Variants in SLFN12L observed in about 807,000 individuals in gnomAD.
The protein encoded by SLFN12L is schlafen family member 12-like.
Under a neutral mutation model 34.8 loss-of-function variants are expected in SLFN12L, and 34 were observed. The observed-to-expected ratio is 0.98, with a 90% confidence interval of 0.74 to 1.30. The LOEUF is 1.30. Among genes scored for constraint, SLFN12L ranks in the 50% most tolerant of loss-of-function variants. SLFN12L has a pLI of 0.00. For synonymous variants in SLFN12L, 259 were observed against 247.5 expected (o/e 1.05, Z -0.44); for missense variants, 703 against 696.2 (o/e 1.01, Z -0.11).
Position 35,478,135 on chromosome 17 carries a change from T to A in SLFN12L, c.1216A>T (p.Ser406Cys). The A allele has an allele frequency of 1.3e-6, 2 of 1,545,698 alleles. No individual in the cohort carries two copies. Among genetic ancestry groups the A allele is most frequent in the South Asian group, 2.4e-5 (2 of 83,742 alleles). ...PASTSSPVSQSYPLREYINFK... is the reference protein window; with the variant it reads ...PASTSSPVSQCYPLREYINFK... ...TTAATATATTCACGAAGAGGATAAC[T>A]CTGGGAGACAGGTGATGATGTACTT... is the stretch of plus-strand genomic sequence containing the variant. The change falls in exon 4 of 5, where the codon AGT becomes TGT. Residue 406 changes from serine (S) to cysteine (C), a missense_variant. By Grantham distance (112) the Ser-to-Cys change is moderately radical. Coordinates refer to ENST00000628453, the MANE Select transcript of SLFN12L (RefSeq NM_001363830.2).
Position 35,501,159 on chromosome 17 carries a change from T to C in SLFN12L, c.87-20964A>G, listed in dbSNP as rs556188033. Among the ~76,000 whole-genome samples the C allele has an allele frequency of 3.9e-5, 6 of 152,326 alleles. No homozygotes were observed. The East Asian group carries it at 1.2e-3, about 29-fold the overall frequency. On this transcript the variant is annotated intron_variant, in intron 2 of 4. Coordinates refer to ENST00000628453, the MANE Select transcript of SLFN12L (RefSeq NM_001363830.2). ...CAGCTTAGGCCTGCTCTGTGGAGCA[T>C]CCCTGCAGGGGACTGCAGCCAGCTT...
intron 2 of SLFN12L, among the ~76,000 whole-genome samples, chr17:35,492,997 A>G (rs1349101980): frequency 1.3e-5 from 2 of 151,746 alleles, no homozygotes; most frequent in Non-Finnish European, 2.9e-5. Flanking sequence ...AAAAAACCAC[A>G]AGAGCCTCAG....
rs925215409 is a variant in SLFN12L, at chr17:35,490,794, A to C, written c.87-10599T>G. On this transcript the variant is annotated intron_variant, in intron 2 of 4. Coordinates refer to ENST00000628453, the MANE Select transcript of SLFN12L (RefSeq NM_001363830.2). ...TTGTGAAAGCCCCTCCAGAAATAAG[A>C]CTTGAGTGCCTGACTCAATAAGAGA... The C allele has an allele frequency of 3.4e-6, 5 of 1,455,338 alleles. No homozygotes were observed. The African/African-American group carries it at 7.0e-5, about 20-fold the overall frequency. 90.2% of individuals were successfully genotyped at this position (1,455,338 alleles called of 1,614,324 possible).
Position 35,522,417 on chromosome 17 carries a change from AATTCTC to A in SLFN12L, c.-59_-54del, listed in dbSNP as rs1234524983. 1 of 1,614,134 alleles carries A rather than the reference AATTCTC, an allele frequency of 6.2e-7. No individual in the cohort carries two copies. Among genetic ancestry groups the A allele is most frequent in the East Asian group, 2.2e-5 (1 of 44,872 alleles). On this transcript the variant is annotated 5_prime_UTR_variant, in exon 2 of 5. In the 5' UTR this introduces an upstream ATG that the reference lacks. Transcript: ENST00000628453. ...TAAGCCAGGTAAGCCATGGACAAAC[AATTCTC>A]TGTTCTTGTGGAAGCTTCTGGAGAA...
chr17:35,514,367 C>G (rs181205527), intron 2 of SLFN12L, among the ~76,000 whole-genome samples: 203 of 152,312 alleles, frequency 1.3e-3, no homozygotes, highest in Non-Finnish European at 2.5e-3. Context: ...AAGTCTCTAT[C>G]AAATTTTCTG....
chr17:35,501,114 G>T lies in SLFN12L; in HGVS notation c.87-20919C>A, dbSNP rs548491185. ...AGAAAGCGAGGTGATTAACAGACAT[G>T]GTCTAGGCAGCCCCTTAGGCAGCTT... On this transcript the variant is annotated intron_variant, in intron 2 of 4. Coordinates refer to ENST00000628453, the MANE Select transcript of SLFN12L (RefSeq NM_001363830.2). 1.2e-3 allele frequency among the ~76,000 whole-genome samples: 186 copies of T among 152,342 alleles called. 1 individual carries two copies. Among genetic ancestry groups the T allele is most frequent in the Non-Finnish European group, 2.1e-3 (146 of 68,030 alleles).
rs1051151223 is a variant in SLFN12L at position 35,471,351 on chromosome 17, G to T, written c.*3572C>A. On this transcript the variant is annotated 3_prime_UTR_variant, in exon 5 of 5. Coordinates refer to ENST00000628453, the MANE Select transcript of SLFN12L (RefSeq NM_001363830.2). ...GGGGTTTCACCATGTTGGCCAGGCT[G>T]GTCTCAAACTCCTGGCCTCAGGTGA... Among the ~76,000 whole-genome samples the T allele has an allele frequency of 6.6e-6, 1 of 152,086 alleles. No individual in the cohort carries two copies. Among genetic ancestry groups the T allele is most frequent in the African/African-American group, 2.4e-5 (1 of 41,396 alleles).
Position 35,467,535 on chromosome 17 carries a change from C to T in SLFN12L, c.*7388G>A, listed in dbSNP as rs1378096426. On this transcript the variant is annotated 3_prime_UTR_variant, in exon 5 of 5. Transcript: ENST00000628453. The stretch of plus-strand genomic sequence containing the variant: ...GGCATTCAATAAAACTTTCATGACC[C>T]TAATAGGTCCCAAATAGCCAGTTTA... 1.3e-5 allele frequency among the ~76,000 whole-genome samples: 2 copies of T among 152,202 alleles called. No individual in the cohort carries two copies. Among genetic ancestry groups the T allele is most frequent in the African/African-American group, 4.8e-5 (2 of 41,464 alleles).
intron 2 of SLFN12L, among the ~76,000 whole-genome samples, chr17:35,501,274 G>A (rs527447842): frequency 6.6e-6 from 1 of 152,324 alleles, no homozygotes; most frequent in South Asian, 2.1e-4. Flanking sequence ...CCCCAATGGA[G>A]GATCAATATG....
At chr17:35,483,576 T>C (rs1252844715) in intron 2 of SLFN12L, among the ~76,000 whole-genome samples, 4 of 152,226 alleles carry the variant, frequency 2.6e-5, no homozygotes, top group Non-Finnish European at 5.9e-5. Context: ...ATTTCTGTTA[T>C]TTATAAGTCA....
intron 1 of SLFN12L, among the ~76,000 whole-genome samples, chr17:35,527,281 A>T (rs1033319550): frequency 6.6e-6 from 1 of 152,240 alleles, no homozygotes; most frequent in African/African-American, 2.4e-5. Context: ...TACCAGAGGT[A>T]TGAAGAGGAG....
intron 2 of SLFN12L, chr17:35,499,250 A>G: frequency 1.2e-6 from 1 of 850,686 alleles, no homozygotes; most frequent in Non-Finnish European, 1.7e-6. Context: ...CAAACACGAC[A>G]TATCTTAGAA....
intron 2 of SLFN12L, among the ~76,000 whole-genome samples, chr17:35,511,846 A>C (rs2142159082): frequency 6.6e-6 from 1 of 152,354 alleles, no homozygotes; most frequent in South Asian, 2.1e-4. Flanking sequence ...TTTAAGTACA[A>C]ATTGTGGAAA....
At chr17:35,517,903 G>A (rs1435943204) in intron 2 of SLFN12L, among the ~76,000 whole-genome samples, 1 of 152,052 alleles carries the variant, frequency 6.6e-6, no homozygotes, top group East Asian at 1.9e-4. Flanking sequence ...AACTCAAGAT[G>A]GATTAAAGAC....
At chr17:35,507,332 C>T (rs569372402) in intron 2 of SLFN12L, among the ~76,000 whole-genome samples, 1 of 152,286 alleles carries the variant, frequency 6.6e-6, no homozygotes, top group East Asian at 1.9e-4. Context: ...GGATTCCAGA[C>T]TCCCATTTAC....
chr17:35,494,976 G>A (rs1914993412), intron 2 of SLFN12L, among the ~76,000 whole-genome samples: 1 of 151,784 alleles, frequency 6.6e-6, no homozygotes, highest in South Asian at 2.1e-4. Context: ...CTGGATCTCT[G>A]CTCAAGGCAA....
At chr17:35,500,941 G>A (rs1915273508) in intron 2 of SLFN12L, among the ~76,000 whole-genome samples, 1 of 152,146 alleles carries the variant, frequency 6.6e-6, no homozygotes, top group Non-Finnish European at 1.5e-5. Flanking sequence ...CCCTTAAAAG[G>A]GACAGGAATT....
At chr17:35,529,045 A>G (rs976042407) in intron 1 of SLFN12L, among the ~76,000 whole-genome samples, 34 of 152,228 alleles carry the variant, frequency 2.2e-4, no homozygotes, top group African/African-American at 7.7e-4. Flanking sequence ...ATATGAACAG[A>G]CAGTTCTCAA....
At chr17:35,513,519 G>A (rs1203697418) in intron 2 of SLFN12L, among the ~76,000 whole-genome samples, 2 of 152,156 alleles carry the variant, frequency 1.3e-5, no homozygotes, top group Non-Finnish European at 2.9e-5. Context: ...TGCTCAGTTC[G>A]ACAGATGCCA....
Sources: allele counts gnomAD v4.1 joint callset (sites outside exome capture counted in the v4.1 genomes callset), GRCh38; gene constraint gnomAD v4.1.1; transcripts MANE v1.5; gene names NCBI Gene and HGNC (gene_info 2026-07-23, HGNC 2026-07-21).